AGBL1: variants seen among roughly 807,000 people sequenced by gnomAD.
The protein encoded by AGBL1 is AGBL carboxypeptidase 1.
A neutral mutation model predicts 118.9 loss-of-function variants in AGBL1; 130 were observed. The ratio of observed to expected loss-of-function variants is 1.09; its 90% CI spans 0.95 to 1.26. The LOEUF is 1.26. Ranked by LOEUF, AGBL1 falls within the 50% of genes most tolerant of loss-of-function variation. The pLI is 0.00. For synonymous variants in AGBL1, 555 were observed against 478.9 expected, an observed-to-expected ratio of 1.16 and a Z score of -2.08; for missense variants, 1,584 against 1,298.1, an observed-to-expected ratio of 1.22 and a Z score of -3.38.
At chr15:86,832,348 A>C (rs2141417693) in intron 22 of AGBL1, among the ~76,000 whole-genome samples, 1 of 152,280 alleles carries the variant, frequency 6.6e-6, no homozygotes, top group South Asian at 2.1e-4. Flanking sequence ...TCAGGCTGCA[A>C]ATTTTCTGAA....
intron 24 of AGBL1, among the ~76,000 whole-genome samples, chr15:87,022,701 G>C (rs1303349902): frequency 1.3e-5 from 2 of 152,038 alleles, no homozygotes; most frequent in South Asian, 2.1e-4. Flanking sequence ...AGAGCTGTGA[G>C]ACAAAAGTAC....
chr15:86,384,160 G>C (rs953859111), intron 17 of AGBL1, among the ~76,000 whole-genome samples: 5 of 152,166 alleles, frequency 3.3e-5, no homozygotes, highest in African/African-American at 1.2e-4. Context: ...GATTGCTTGA[G>C]ACTTGGCCAT....
chr15:86,388,181 C>T (rs2081224958), intron 17 of AGBL1, among the ~76,000 whole-genome samples: 1 of 152,152 alleles, frequency 6.6e-6, no homozygotes, highest in South Asian at 2.1e-4. Flanking sequence ...CAAGAGAAAG[C>T]CAGCTCACAC....
intron 1 of AGBL1, among the ~76,000 whole-genome samples, chr15:86,084,824 C>T (rs953428276): frequency 2.0e-5 from 3 of 152,150 alleles, no homozygotes; most frequent in Admixed American, 2.0e-4. Flanking sequence ...ACTCATCCAC[C>T]CATTCATTTA....
At position 86,387,454 on chromosome 15, in the gene AGBL1, T is replaced by C. The variant is rs567510192; in HGVS notation, c.2375-9912T>C. Among the ~76,000 whole-genome samples the C allele has an allele frequency of 5.3e-5, 8 of 152,212 alleles. No individual in the cohort carries two copies. In the East Asian group the frequency reaches 1.4e-3, roughly 26 times the overall value. ...GACTTAGGTTTTCGTTTTCACACCTTATATGCTGCTGTGTGGCTGGACCAG... is the reference window on the plus strand; with the variant it reads ...GACTTAGGTTTTCGTTTTCACACCTCATATGCTGCTGTGTGGCTGGACCAG... On this transcript the variant is annotated intron_variant, in intron 17 of 22. Transcript: ENST00000614907.
At chr15:86,794,894 C>T (rs2078547435) in intron 22 of AGBL1, among the ~76,000 whole-genome samples, 1 of 152,116 alleles carries the variant, frequency 6.6e-6, no homozygotes, top group African/African-American at 2.4e-5. Context: ...TTGAGAAAGT[C>T]CCAAAGTGGA....
At chr15:86,205,406 C>T (rs1387340523) in intron 5 of AGBL1, among the ~76,000 whole-genome samples, 1 of 152,180 alleles carries the variant, frequency 6.6e-6, no homozygotes, top group African/African-American at 2.4e-5. Context: ...AATAAAACTG[C>T]TGTAAACATC....
At chr15:86,096,890 G>T (rs1015533872) in intron 1 of AGBL1, among the ~76,000 whole-genome samples, 6 of 152,118 alleles carry the variant, frequency 3.9e-5, no homozygotes, top group African/African-American at 1.4e-4. Flanking sequence ...GAAATCACCA[G>T]TTTCTTAATC....
intron 21 of AGBL1, among the ~76,000 whole-genome samples, chr15:86,667,975 G>A (rs2085676748): frequency 6.6e-6 from 1 of 152,166 alleles, no homozygotes; most frequent in South Asian, 2.1e-4. Context: ...AGGCCTCAGG[G>A]AGCTTTCCCT....
rs528403159 is a variant in AGBL1 at position 86,896,750 on chromosome 15, C to T, written c.3159-10337C>T. Among the ~76,000 whole-genome samples, 8 of 152,234 alleles carry T rather than the reference C, an allele frequency of 5.3e-5. No individual in the cohort carries two copies. In the East Asian group the frequency reaches 1.4e-3, roughly 26 times the overall value. On this transcript the variant is annotated intron_variant, in intron 22 of 22. Coordinates refer to ENST00000614907, the MANE Select transcript of AGBL1 (RefSeq NM_001386094.1). ...TTTTATTAGTTATAGCATCACCTTT[C>T]CATTGACAAGATTGATAGCATTTAT...
At chr15:86,287,367 A>G (rs965727644) in intron 16 of AGBL1, among the ~76,000 whole-genome samples, 3 of 151,994 alleles carry the variant, frequency 2.0e-5, no homozygotes, top group Admixed American at 6.6e-5. Flanking sequence ...GTGGAATCCT[A>G]TTGTCTACTT....
intron 17 of AGBL1, among the ~76,000 whole-genome samples, chr15:86,384,396 G>C (rs375787305): frequency 2.0e-5 from 3 of 152,096 alleles, no homozygotes; most frequent in Admixed American, 6.5e-5. Flanking sequence ...ATTGATGGGG[G>C]CGGGTGCACA....
chr15:86,931,616 G>GCT lies in AGBL1; in HGVS notation c.3222-56371_3222-56370insCT, dbSNP rs1567245778. Among the ~76,000 whole-genome samples the GCT allele has an allele frequency of 1.3e-4, 19 of 148,800 alleles. 1 individual carries two copies. The South Asian group carries it at 4.0e-3, about 32-fold the overall frequency. ...TGCTGCTGCTGCTGCTGCTGCTGCT[G>GCT]GTTGTTGTATTGATCAATTCCATGC... On this transcript the variant is annotated intron_variant, in intron 23 of 24. Coordinates refer to the AGBL1 transcript ENST00000441037.
intron 21 of AGBL1, among the ~76,000 whole-genome samples, chr15:86,587,473 G>A (rs1006258869): frequency 5.3e-5 from 8 of 152,146 alleles, no homozygotes; most frequent in African/African-American, 1.9e-4. Flanking sequence ...AAGGCTTCAT[G>A]GAGGGGCTTG....
At chr15:86,500,101 C>T (rs1384940086) in intron 18 of AGBL1, among the ~76,000 whole-genome samples, 1 of 151,848 alleles carries the variant, frequency 6.6e-6, no homozygotes, top group African/African-American at 2.4e-5. Flanking sequence ...AAATGGACAA[C>T]TGGAGAAAAT....
chr15:86,345,283 T>G (rs1496894), intron 17 of AGBL1, among the ~76,000 whole-genome samples: 1 of 151,390 alleles, frequency 6.6e-6, no homozygotes, highest in Non-Finnish European at 1.5e-5. Flanking sequence ...TGTGCTCTTT[T>G]TCAGGAGACT....
At chr15:86,305,255 T>A (rs2079820068) in intron 17 of AGBL1, among the ~76,000 whole-genome samples, 1 of 152,130 alleles carries the variant, frequency 6.6e-6, no homozygotes, top group Non-Finnish European at 1.5e-5. Context: ...GTGGTTTTCA[T>A]AAAGCAAAAC....
At chr15:86,155,943 A>G (rs1412392467) in intron 4 of AGBL1, among the ~76,000 whole-genome samples, 1 of 151,826 alleles carries the variant, frequency 6.6e-6, no homozygotes, top group Non-Finnish European at 1.5e-5. Flanking sequence ...TTTTTTTGAG[A>G]TGAAGTCTCA....
intron 22 of AGBL1, among the ~76,000 whole-genome samples, chr15:86,695,196 G>T (rs1234200712): frequency 6.6e-6 from 1 of 151,984 alleles, no homozygotes; most frequent in Admixed American, 6.6e-5. Flanking sequence ...ATGTCCAATA[G>T]AATTCAGCTG....
Sources: allele counts gnomAD v4.1 joint callset (sites outside exome capture counted in the v4.1 genomes callset), GRCh38; gene constraint gnomAD v4.1.1; transcripts MANE v1.5; gene names NCBI Gene and HGNC (gene_info 2026-07-23, HGNC 2026-07-21).